BCL11B: variants seen among roughly 807,000 people sequenced by gnomAD.
BCL11B encodes the protein B-cell lymphoma/leukemia 11B.
A neutral mutation model predicts 49.9 loss-of-function variants in BCL11B; 8 were observed. That is an observed-to-expected ratio of 0.16 (90% CI 0.09 to 0.29). BCL11B has a LOEUF of 0.29. BCL11B is among the 10% of genes least tolerant of loss of function. BCL11B has a pLI of 1.00. For missense variants in BCL11B, 1,006 were observed against 1,351.0 expected, an observed-to-expected ratio of 0.74 and a Z score of 4.00; for synonymous variants, 739 against 637.4, an observed-to-expected ratio of 1.16 and a Z score of -2.40.
At chr14:99,224,839 T>C (rs1238379418) in intron 3 of BCL11B, among the ~76,000 whole-genome samples, 2 of 152,110 alleles carry the variant, frequency 1.3e-5, no homozygotes, top group Non-Finnish European at 2.9e-5. Flanking sequence ...GATGGCCCCA[T>C]CTCGAGAGCT....
intron 1 of BCL11B, among the ~76,000 whole-genome samples, chr14:99,270,145 C>T (rs1419203894): frequency 6.6e-6 from 1 of 152,014 alleles, no homozygotes. Context: ...TGCTGCTTGT[C>T]TTGCCCCGCT....
At chr14:99,185,914 G>A (rs535998076) in intron 3 of BCL11B, among the ~76,000 whole-genome samples, 4 of 152,354 alleles carry the variant, frequency 2.6e-5, no homozygotes, top group Non-Finnish European at 4.4e-5. Flanking sequence ...CGGCTTCACC[G>A]TCAACTTCTC....
At chr14:99,260,184 A>G (rs1393616108) in intron 1 of BCL11B, among the ~76,000 whole-genome samples, 1 of 152,216 alleles carries the variant, frequency 6.6e-6, no homozygotes, top group Non-Finnish European at 1.5e-5. Flanking sequence ...GCAAAAAAGG[A>G]CATAATGAAA....
intron 3 of BCL11B, among the ~76,000 whole-genome samples, chr14:99,201,616 G>A (rs999807207): frequency 2.6e-5 from 4 of 152,142 alleles, no homozygotes; most frequent in Non-Finnish European, 5.9e-5. Context: ...CAGCCACCCA[G>A]GCCGTCTCTC....
In BCL11B at chr14:99,247,201, A is replaced by T. The variant is rs1166654923; in HGVS notation, c.427+10270T>A. Among the ~76,000 whole-genome samples the T allele has an allele frequency of 6.6e-6, 1 of 152,170 alleles. No homozygotes were observed. Among genetic ancestry groups the T allele is most frequent in the African/African-American group, 2.4e-5 (1 of 41,460 alleles). On this transcript the variant is annotated intron_variant, in intron 2 of 3. Coordinates refer to ENST00000357195, the MANE Select transcript of BCL11B (RefSeq NM_138576.4). The surrounding 1 kb of genome is among the most constrained non-coding windows in gnomAD (Gnocchi z 4.5). ...AAGCAAAGGCCAGGTCAGGAAAATT[A>T]TATACTTCGTTTTCCCAACAAATAA...
chr14:99,221,094 C>T (rs139946455), intron 3 of BCL11B, among the ~76,000 whole-genome samples: 5 of 152,078 alleles, frequency 3.3e-5, no homozygotes, highest in African/African-American at 4.8e-5. Flanking sequence ...CCTTGTGATC[C>T]GCCTGCCTGC....
At position 99,241,018 on chromosome 14, in the gene BCL11B, ATT is replaced by A. The variant is rs72252736; in HGVS notation, c.428-9463_428-9462del. 1.3e-5 allele frequency among the ~76,000 whole-genome samples: 2 copies of A among 148,572 alleles called. No individual in the cohort carries two copies. The highest frequency in any genetic ancestry group is 3.9e-4 in the East Asian group (2 of 5,110). ...GCACGCTGACTTTGATTTTGTTGTAATTTTTTTTTTTCCTCAGCTGTCTTTGA... is the reference window on the plus strand; with the variant it reads ...GCACGCTGACTTTGATTTTGTTGTAATTTTTTTTTCCTCAGCTGTCTTTGA... On this transcript the variant is annotated intron_variant, in intron 2 of 3. Transcript: ENST00000357195. The surrounding 1 kb of genome is among the most constrained non-coding windows in gnomAD (Gnocchi z 4.4).
At chr14:99,211,145 G>A (rs1887677387) in intron 3 of BCL11B, among the ~76,000 whole-genome samples, 1 of 152,184 alleles carries the variant, frequency 6.6e-6, no homozygotes, top group Non-Finnish European at 1.5e-5. Context: ...AGGAAACTGA[G>A]GCTGGAAGAT....
rs868185695 is a variant in BCL11B, at chr14:99,232,796, T to C, written c.428-1239A>G. ...CAGCCCCATCCAAACCCCAGCTGTC[T>C]GGCCCCAGAACCAGGGCTCTTTCTC... On this transcript the variant is annotated intron_variant, in intron 2 of 3. Transcript: ENST00000357195. The surrounding 1 kb of genome is among the most constrained non-coding windows in gnomAD (Gnocchi z 5.1). Among the ~76,000 whole-genome samples, 1 of 152,198 alleles carries C rather than the reference T, an allele frequency of 6.6e-6. No individual in the cohort carries two copies. The highest frequency in any genetic ancestry group is 2.4e-5 in the African/African-American group (1 of 41,442).
intron 3 of BCL11B, among the ~76,000 whole-genome samples, chr14:99,217,269 C>G (rs1216707368): frequency 6.6e-6 from 1 of 151,080 alleles, no homozygotes; most frequent in South Asian, 2.1e-4. Flanking sequence ...CTGACATATG[C>G]AAATACTCAC....
rs940147243 is a variant in BCL11B, at chr14:99,267,270, CA to C, written c.58+3890del. Among the ~76,000 whole-genome samples the C allele has an allele frequency of 6.7e-3, 996 of 148,190 alleles. 10 individuals are homozygous for C. The highest frequency in any genetic ancestry group is 0.023 in the African/African-American group (931 of 40,172). ...CACAGGCAGATAGCAACCTCCCCAT[CA>C]AAAAAAAAGAAAAGAAAAGAAAAGA... is the stretch of plus-strand genomic sequence containing the variant. On this transcript the variant is annotated intron_variant, in intron 1 of 3. Transcript: ENST00000357195.
intron 1 of BCL11B, among the ~76,000 whole-genome samples, chr14:99,267,098 C>T (rs953319225): frequency 6.6e-6 from 1 of 152,058 alleles, no homozygotes; most frequent in Non-Finnish European, 1.5e-5. Context: ...TGGTCACTGA[C>T]ACAACACACC....
chr14:99,170,250 T>C lies in BCL11B; in HGVS notation c.*3901A>G. 4.6e-6 allele frequency: 1 copy of C among 219,768 alleles called. No homozygotes were observed. The highest frequency in any genetic ancestry group is 9.1e-6 in the Non-Finnish European group (1 of 109,420). The allele number at this position is 219,768 out of a possible 1,614,324, so 13.6% of individuals were successfully genotyped here. The stretch of plus-strand genomic sequence containing the variant: ...ACTGAAATCTCAGCTTTCTCTCCCA[T>C]TCCCTCCCCCCTTTTTTTTAACTTT... On this transcript the variant is annotated 3_prime_UTR_variant, in exon 4 of 4. Coordinates refer to ENST00000357195, the MANE Select transcript of BCL11B (RefSeq NM_138576.4).
rs146559118 is a variant in BCL11B at position 99,257,795 on chromosome 14, C to A, written c.103G>T (p.Gly35Cys). The change falls in exon 2 of 4, where the codon GGT becomes TGT. Residue 35 changes from glycine (G) to cysteine (C), a missense_variant. Around this residue, in one of 6 missense-constraint regions of BCL11B, gnomAD observed 411 missense variants for 542.2 expected, o/e 0.76. Transcript: ENST00000357195. This position sits in a 1 kb window ranked among gnomAD's most constrained non-coding sequence, Gnocchi z 6.2. ...VEAAILEEDE[G>C]LEIEEPSGLG... Reference sequence around the variant, plus strand: ...CCACTTGGCTCCTCTATCTCCAGACCCTCGTCTTCTTCGAGGATGGCGGCC... The same window carrying A: ...CCACTTGGCTCCTCTATCTCCAGACACTCGTCTTCTTCGAGGATGGCGGCC... The A allele has an allele frequency of 8.5e-5, 133 of 1,564,858 alleles. 1 individual carries two copies. Among genetic ancestry groups the A allele is most frequent in the Non-Finnish European group, 1.1e-4 (131 of 1,154,006 alleles).
At chr14:99,238,483 T>C (rs980833961) in intron 2 of BCL11B, among the ~76,000 whole-genome samples, 1 of 152,102 alleles carries the variant, frequency 6.6e-6, no homozygotes, top group Non-Finnish European at 1.5e-5. Flanking sequence ...ACTGGTGAAG[T>C]TACATCACAA....
intron 2 of BCL11B, among the ~76,000 whole-genome samples, chr14:99,237,236 C>CTTTTTTTTTTTTTTT (rs56991081): frequency 6.0e-5 from 8 of 132,796 alleles, no homozygotes; most frequent in Non-Finnish European, 1.2e-4. Flanking sequence ...CTTTTTTTTT[C>CTTTTTTTTTTTTTTT]TTTTTTTTTT....
At chr14:99,270,322 C>G (rs1217165016) in intron 1 of BCL11B, among the ~76,000 whole-genome samples, 1 of 151,444 alleles carries the variant, frequency 6.6e-6, no homozygotes, top group Non-Finnish European at 1.5e-5. Context: ...TTTTCTTTTA[C>G]TATTTTACAA....
At chr14:99,255,938 C>T (rs1406418898) in intron 2 of BCL11B, among the ~76,000 whole-genome samples, 1 of 152,210 alleles carries the variant, frequency 6.6e-6, no homozygotes, top group African/African-American at 2.4e-5. Context: ...GGCCCAGAGG[C>T]CAATCTGGTT....
intron 2 of BCL11B, among the ~76,000 whole-genome samples, chr14:99,249,072 C>T (rs1286566860): frequency 6.6e-6 from 1 of 152,144 alleles, no homozygotes; most frequent in African/African-American, 2.4e-5. Context: ...AGGTGGGTGC[C>T]TACTGTCTTG....
Sources: allele counts gnomAD v4.1 joint callset (sites outside exome capture counted in the v4.1 genomes callset), GRCh38; gene constraint gnomAD v4.1.1; regional missense constraint gnomAD v4.1.1; non-coding constraint Gnocchi (gnomAD v3.1); transcripts MANE v1.5; gene names NCBI Gene and HGNC (gene_info 2026-07-23, HGNC 2026-07-21).